Variants in WWOX observed in about 807,000 individuals in gnomAD.
WWOX encodes WW domain-containing oxidoreductase.
In WWOX, 69 loss-of-function variants were observed where a neutral mutation model predicts 46.2. That is an observed-to-expected ratio of 1.49 (90% confidence interval 1.23 to 1.82). The LOEUF (loss-of-function observed/expected upper bound fraction) is 1.82. Among genes scored for constraint, WWOX ranks in the 40% most tolerant of loss-of-function variants. The pLI, the probability that WWOX is intolerant of heterozygous loss-of-function variation, is 0.00. For missense variants in WWOX, 919 were observed against 542.6 expected (o/e 1.69, Z -6.89); for synonymous variants, 359 against 202.6 (o/e 1.77, Z -6.56).
chr16:78,939,432 G>C (rs945111542), intron 8 of WWOX, among the ~76,000 whole-genome samples: 1 of 152,144 alleles, frequency 6.6e-6, no homozygotes. Flanking sequence ...TTTGGCATTA[G>C]CTCACCAGTG....
intron 8 of WWOX, among the ~76,000 whole-genome samples, chr16:79,168,213 G>C (rs1303735623): frequency 6.6e-6 from 1 of 152,088 alleles, no homozygotes; most frequent in Non-Finnish European, 1.5e-5. Context: ...TTTCTGTGTG[G>C]ACATGTTCTC....
intron 8 of WWOX, among the ~76,000 whole-genome samples, chr16:78,752,017 G>C (rs1426807311): frequency 1.3e-5 from 2 of 151,992 alleles, no homozygotes; most frequent in Admixed American, 6.6e-5. Context: ...ATAAGGAGGA[G>C]GATGAGGAGA....
chr16:78,341,990 C>T (rs1230113147), intron 5 of WWOX, among the ~76,000 whole-genome samples: 2 of 120,342 alleles, frequency 1.7e-5, no homozygotes, highest in East Asian at 3.9e-4. Context: ...GTGGTGCTCA[C>T]CTATAGTACC....
rs934539471 is a variant in WWOX at position 78,099,730 on chromosome 16, T to A, written c.-49T>A. 1 of 1,507,392 alleles carries A rather than the reference T, an allele frequency of 6.6e-7. No individual in the cohort carries two copies. The highest frequency in any genetic ancestry group is 8.9e-7 in the Non-Finnish European group (1 of 1,128,484). The allele number at this position is 1,507,392 out of a possible 1,614,324, so 93.4% of individuals were successfully genotyped here. ...GAGCGGGAGTGAGTTCCTGAGCGAG[T>A]GGACCCGGCAGCGGGCGATAGGGGG... On this transcript the variant is annotated 5_prime_UTR_variant, in exon 1 of 9. Transcript: ENST00000566780.
rs118079974 is a variant in WWOX at position 78,672,159 on chromosome 16, A to T, written c.1056+239407A>T. ...AATACCTTTAAATGATTTTATTTAA[A>T]TGTCAGATTTAATTAAATCCATGAC... is the stretch of plus-strand genomic sequence containing the variant. On this transcript the variant is annotated intron_variant, in intron 8 of 8. Transcript: ENST00000566780. Among the ~76,000 whole-genome samples the T allele has an allele frequency of 2.0e-5, 3 of 152,320 alleles. No individual in the cohort carries two copies. The East Asian group carries it at 5.8e-4, about 29-fold the overall frequency.
rs549429447 is a variant in WWOX at position 78,994,307 on chromosome 16, G to C, written c.1057-217301G>C. 2.6e-5 allele frequency: 4 copies of C among 152,252 alleles called. No individual in the cohort carries two copies. The South Asian group carries it at 6.2e-4, about 24-fold the overall frequency. The allele number at this position is 152,252 out of a possible 1,614,324, so 9.4% of individuals were successfully genotyped here. A position where few individuals can be genotyped will look rare whatever the true frequency, so the allele number is the denominator to read the frequency against. The stretch of plus-strand genomic sequence containing the variant: ...TTTAAGAAATGAACATCAGGACATA[G>C]ACGTCTGAATATGAGGAAGTGCCTC... On this transcript the variant is annotated intron_variant, in intron 8 of 8. Transcript: ENST00000566780.
chr16:78,901,644 C>T (rs1456682872), intron 8 of WWOX, among the ~76,000 whole-genome samples: 3 of 152,106 alleles, frequency 2.0e-5, no homozygotes, highest in African/African-American at 4.8e-5. Context: ...TGGGCCACCA[C>T]GCTGGGTTAG....
intron 8 of WWOX, among the ~76,000 whole-genome samples, chr16:78,823,964 G>C (rs1299701566): frequency 1.3e-5 from 2 of 151,830 alleles, no homozygotes; most frequent in Non-Finnish European, 2.9e-5. Flanking sequence ...TATTGAGATG[G>C]GGTCTTCCTA....
At chr16:78,436,839 C>T (rs899307432) in intron 8 of WWOX, among the ~76,000 whole-genome samples, 1 of 152,222 alleles carries the variant, frequency 6.6e-6, no homozygotes, top group African/African-American at 2.4e-5. Flanking sequence ...CTCGGCATTG[C>T]TTCCGTCAGG....
At chr16:79,088,300 C>T (rs1435201711) in intron 8 of WWOX, among the ~76,000 whole-genome samples, 1 of 152,142 alleles carries the variant, frequency 6.6e-6, no homozygotes, top group East Asian at 1.9e-4. Context: ...AGCATTGCAG[C>T]CCGTTGGTTG....
intron 8 of WWOX, among the ~76,000 whole-genome samples, chr16:79,018,128 C>A (rs964784046): frequency 2.0e-4 from 31 of 152,138 alleles, no homozygotes; most frequent in Non-Finnish European, 3.1e-4. Context: ...GCAGAGGTAT[C>A]ATGGCCTTCA....
At chr16:78,664,902 A>G (rs992160443) in intron 8 of WWOX, among the ~76,000 whole-genome samples, 21 of 152,342 alleles carry the variant, frequency 1.4e-4, no homozygotes, top group Admixed American at 5.9e-4. Flanking sequence ...GGCACTTACA[A>G]TGTGACTGGA....
chr16:78,827,622 C>G (rs1462284387), intron 8 of WWOX, among the ~76,000 whole-genome samples: 1 of 151,318 alleles, frequency 6.6e-6, no homozygotes, highest in East Asian at 1.9e-4. Flanking sequence ...CACCTGAGGT[C>G]AGGACTTCGA....
At chr16:78,231,848 A>G (rs994615163) in intron 5 of WWOX, among the ~76,000 whole-genome samples, 13 of 152,142 alleles carry the variant, frequency 8.5e-5, no homozygotes, top group Non-Finnish European at 1.8e-4. Context: ...AAGTTTGCCC[A>G]GATAGTAAGT....
At chr16:78,648,701 C>T (rs568377451) in intron 8 of WWOX, among the ~76,000 whole-genome samples, 2 of 152,298 alleles carry the variant, frequency 1.3e-5, no homozygotes, top group East Asian at 1.9e-4. Flanking sequence ...ATGTCCACAG[C>T]CTCCAATCGG....
At chr16:78,929,154 G>A (rs1047695121) in intron 8 of WWOX, among the ~76,000 whole-genome samples, 1 of 152,040 alleles carries the variant, frequency 6.6e-6, no homozygotes, top group Non-Finnish European at 1.5e-5. Flanking sequence ...ATAAGAACAC[G>A]GTTTGGGGGT....
chr16:78,150,526 A>C (rs1417276138), intron 4 of WWOX, among the ~76,000 whole-genome samples: 1 of 152,122 alleles, frequency 6.6e-6, no homozygotes, highest in Non-Finnish European at 1.5e-5. Flanking sequence ...CTACAGTTGC[A>C]CACCACCATG....
intron 8 of WWOX, among the ~76,000 whole-genome samples, chr16:78,490,043 C>T (rs764292983): frequency 3.3e-5 from 5 of 152,160 alleles, no homozygotes; most frequent in Non-Finnish European, 5.9e-5. Context: ...CATAATTAAC[C>T]CTCTGGGGAG....
At chr16:78,870,736 G>A (rs2044109448) in intron 8 of WWOX, among the ~76,000 whole-genome samples, 1 of 152,254 alleles carries the variant, frequency 6.6e-6, no homozygotes, top group South Asian at 2.1e-4. Flanking sequence ...CAAGTAGCTG[G>A]GATTACAGGT....
Sources: gnomAD v4.1 joint callset for allele counts (sites outside exome capture counted in the v4.1 genomes callset) on GRCh38, gnomAD v4.1.1 for gene constraint, MANE v1.5 for transcripts, NCBI Gene and HGNC (gene_info 2026-07-23, HGNC 2026-07-21) for gene names.